VWA5B1: variants seen among roughly 807,000 people sequenced by gnomAD.
The protein encoded by VWA5B1 is von Willebrand factor A domain-containing protein 5B1.
VWA5B1 carries 115 observed loss-of-function variants against 118.2 expected under a neutral mutation model. That is an observed-to-expected ratio of 0.97 (90% confidence interval 0.84 to 1.14). VWA5B1 has a LOEUF of 1.14. VWA5B1 is among the 50% of genes most tolerant of loss of function. The pLI is 0.00. For synonymous variants in VWA5B1, 682 were observed against 658.4 expected (o/e 1.04, Z -0.55); for missense variants, 1,596 against 1,603.8 (o/e 1.00, Z 0.08).
chr1:20,330,787 C>A, intron 10 of VWA5B1, 82 bp from the exon 11 acceptor site: 1 of 1,363,832 alleles, frequency 7.3e-7, no homozygotes, highest in Non-Finnish European at 1.0e-6. Flanking sequence ...CCTGCCAGAC[C>A]ATGCTCTGTC....
At chr1:20,302,762 G>A (rs541691648) in intron 1 of VWA5B1, among the ~76,000 whole-genome samples, 6 of 152,224 alleles carry the variant, frequency 3.9e-5, no homozygotes, top group South Asian at 2.1e-4. Flanking sequence ...TGGAGGTGGT[G>A]GCATTGAAGC....
intron 1 of VWA5B1, chr1:20,303,302 C>T (rs2100810225): frequency 6.6e-6 from 1 of 152,312 alleles, no homozygotes; most frequent in Middle Eastern, 3.4e-3. Context: ...AGGTAGGGGA[C>T]CCCAACTCTA....
chr1:20,332,970 C>T lies in VWA5B1; in HGVS notation c.1758+19C>T, dbSNP rs539115918. The stretch of plus-strand genomic sequence containing the variant: ...CAGATCTGTAAGTATCCTAGAAATT[C>T]CACGGGTCCGTGTGGGCCCAGAACC... On this transcript the variant is annotated intron_variant, in intron 12 of 21. Coordinates refer to ENST00000289815, the MANE Select transcript of VWA5B1 (RefSeq NM_001039500.3). 4 of 1,550,848 alleles carry T rather than the reference C, an allele frequency of 2.6e-6. No individual in the cohort carries two copies. In the South Asian group the frequency reaches 3.6e-5, roughly 14 times the overall value.
rs186643191 is a variant in VWA5B1, at chr1:20,302,580, T to C, written c.-26-7996T>C. On this transcript the variant is annotated intron_variant, in intron 1 of 21. Transcript: ENST00000289815. Reference sequence around the variant, plus strand: ...CTGAGGGCAGGGGCCCTGTACTTCTTGGTCATTGCGGTAGCCCAGCCTAGC... The same window carrying C: ...CTGAGGGCAGGGGCCCTGTACTTCTCGGTCATTGCGGTAGCCCAGCCTAGC... Among the ~76,000 whole-genome samples the C allele has an allele frequency of 1.6e-3, 248 of 152,276 alleles. 5 individuals are homozygous for C. The highest frequency in any genetic ancestry group is 0.015 in the Admixed American group (236 of 15,294).
At position 20,337,692 on chromosome 1, in the gene VWA5B1, C is replaced by A. The variant is rs1480426960; in HGVS notation, c.1989C>A (p.Ile663=). The change falls in exon 14 of 22, where the codon ATC becomes ATA. Residue 663 remains isoleucine, a synonymous_variant. Coordinates refer to ENST00000289815, the MANE Select transcript of VWA5B1 (RefSeq NM_001039500.3). ...QRRRAYSTNQ[I]TNHKPLPRAT... ...GGAGGGCATACAGCACCAACCAGATCACCAATCACAAGCCCCTCCCAAGAG... is the reference window on the plus strand; with the variant it reads ...GGAGGGCATACAGCACCAACCAGATAACCAATCACAAGCCCCTCCCAAGAG... The A allele has an allele frequency of 2.6e-6, 4 of 1,551,596 alleles. No homozygotes were observed. In the African/African-American group the frequency reaches 5.5e-5, roughly 21 times the overall value.
intron 11 of VWA5B1, 32 bp downstream of exon 11, chr1:20,331,015 G>C: frequency 6.6e-7 from 1 of 1,506,180 alleles, no homozygotes; most frequent in Non-Finnish European, 8.9e-7. Context: ...GTCCCTTCTG[G>C]TGCTGGAACC....
intron 14 of VWA5B1, chr1:20,338,349 ATTTG>A (rs997220189): frequency 1.1e-4 from 33 of 309,550 alleles, no homozygotes; most frequent in East Asian, 1.7e-4. Flanking sequence ...TTTTTTGTTT[ATTTG>A]TTTGTTTGTT....
At position 20,357,581 on chromosome 1, in the gene VWA5B1, C is replaced by T. The variant is rs1380499810; in HGVS notation, c.*3318C>T. Among the ~76,000 whole-genome samples the T allele has an allele frequency of 6.6e-6, 1 of 152,244 alleles. No individual in the cohort carries two copies. Among genetic ancestry groups the T allele is most frequent in the Admixed American group, 6.5e-5 (1 of 15,292 alleles). On this transcript the variant is annotated 3_prime_UTR_variant, in exon 22 of 22. Transcript: ENST00000289815. Reference sequence around the variant, plus strand: ...TCAGAAAGCCTTTACTGGGTGCCTACTGTATGCCAGGCATGGCATACTGGG... The same window carrying T: ...TCAGAAAGCCTTTACTGGGTGCCTATTGTATGCCAGGCATGGCATACTGGG...
rs753382070 is a variant in VWA5B1, at chr1:20,323,369, G to A, written c.980G>A (p.Arg327Gln). The change falls in exon 8 of 22, where the codon CGA becomes CAA. Residue 327 changes from arginine to glutamine, a missense_variant. Physicochemically the swap from Arg to Gln is conservative, Grantham distance 43. Coordinates refer to ENST00000289815, the MANE Select transcript of VWA5B1 (RefSeq NM_001039500.3). ...SRAERKTEII[R>Q]KRLHKDIPHH... ...TTCCTCTTCCAGACAGAAATCATTCGAAAACGCCTCCACAAAGACATTCCC... is the reference window on the plus strand; with the variant it reads ...TTCCTCTTCCAGACAGAAATCATTCAAAAACGCCTCCACAAAGACATTCCC... The A allele has an allele frequency of 5.1e-5, 76 of 1,483,812 alleles. No homozygotes were observed. In the Middle Eastern group the frequency reaches 5.2e-4, roughly 10 times the overall value. 91.9% of individuals were successfully genotyped at this position (1,483,812 alleles called of 1,614,324 possible).
chr1:20,337,996 G>C, intron 14 of VWA5B1, 160 bp downstream of exon 14: 1 of 915,768 alleles, frequency 1.1e-6, no homozygotes, highest in East Asian at 2.6e-5. Flanking sequence ...CCTTACCTCC[G>C]AGGACACCTT....
At chr1:20,336,164 C>T in intron 12 of VWA5B1, 139 bp from the exon 13 acceptor site, 1 of 690,608 alleles carries the variant, frequency 1.4e-6, no homozygotes, top group Non-Finnish European at 2.1e-6. Flanking sequence ...ATTCCCTAAG[C>T]AAACACAAAG....
chr1:20,292,289 T>A (rs1048349161), intron 1 of VWA5B1, among the ~76,000 whole-genome samples: 1 of 151,772 alleles, frequency 6.6e-6, no homozygotes, highest in Non-Finnish European at 1.5e-5. Flanking sequence ...CCCAGCCAGC[T>A]CATGGGGACT....
chr1:20,332,566 A>G (rs970994960), intron 11 of VWA5B1, among the ~76,000 whole-genome samples, 200 bp from the exon 12 acceptor site: 2 of 150,000 alleles, frequency 1.3e-5, no homozygotes, highest in Non-Finnish European at 3.0e-5. Context: ...CTTAGAAAAG[A>G]TGAAGCGAAG....
rs1316468008 is a variant in VWA5B1 at position 20,352,188 on chromosome 1, C to T, written c.3141+16C>T. ...CATACCTCTGGTGAGTGCCCTGACC[C>T]CAGGTGTCAGTCTCCCTCCGCTCCA... On this transcript the variant is annotated intron_variant, in intron 21 of 21. Coordinates refer to ENST00000289815, the MANE Select transcript of VWA5B1 (RefSeq NM_001039500.3). The T allele has an allele frequency of 1.3e-6, 2 of 1,542,224 alleles. No individual in the cohort carries two copies. Among genetic ancestry groups the T allele is most frequent in the African/African-American group, 1.4e-5 (1 of 72,782 alleles).
chr1:20,318,173 AG>A (rs1248226205), intron 5 of VWA5B1, among the ~76,000 whole-genome samples: 1 of 151,732 alleles, frequency 6.6e-6, no homozygotes. Context: ...GAGCCTTAAA[AG>A]GACACTAGGA....
chr1:20,347,007 A>G (rs2090021598), intron 17 of VWA5B1, among the ~76,000 whole-genome samples: 1 of 152,134 alleles, frequency 6.6e-6, no homozygotes, highest in African/African-American at 2.4e-5. Flanking sequence ...CCACCTGTCT[A>G]TGACCAGCCT....
intron 4 of VWA5B1, among the ~76,000 whole-genome samples, chr1:20,315,868 G>C (rs2088990715): frequency 2.0e-5 from 3 of 152,242 alleles, no homozygotes. Flanking sequence ...GCCAGCCTGT[G>C]TGTTGTCTTT....
chr1:20,307,394 C>T (rs2088690198), intron 1 of VWA5B1, among the ~76,000 whole-genome samples: 1 of 152,206 alleles, frequency 6.6e-6, no homozygotes, highest in South Asian at 2.1e-4. Context: ...GGGCCCCTCC[C>T]AGGAGAAAGT....
chr1:20,318,506 C>A lies in VWA5B1; in HGVS notation c.710-84C>A, dbSNP rs531984794. 5.2e-5 allele frequency: 80 copies of A among 1,532,894 alleles called. 1 individual carries two copies. In the African/African-American group the frequency reaches 1.0e-3, roughly 19 times the overall value. 95.0% of individuals were successfully genotyped at this position (1,532,894 alleles called of 1,614,324 possible). ...GGGCTGGCATGTCACTCATCTCTGG[C>A]CTGGATCTCGGTGTGCCCCAGCGAA... On this transcript the variant is annotated intron_variant, in intron 5 of 21. Coordinates refer to ENST00000289815, the MANE Select transcript of VWA5B1 (RefSeq NM_001039500.3).
Sources: gnomAD v4.1 joint callset for allele counts (sites outside exome capture counted in the v4.1 genomes callset) on GRCh38, gnomAD v4.1.1 for gene constraint, MANE v1.5 for transcripts, NCBI Gene and HGNC (gene_info 2026-07-23, HGNC 2026-07-21) for gene names.